The following CD68 variants were observed in gnomAD, a reference collection of about 807,000 sequenced individuals.
CD68 encodes the protein CD68 molecule.
Under a neutral mutation model 31.3 loss-of-function variants are expected in CD68, and 24 were observed. The ratio of observed to expected loss-of-function variants is 0.77; its 90% confidence interval spans 0.55 to 1.08. The LOEUF (loss-of-function observed/expected upper bound fraction) is 1.08. Among genes scored for constraint, CD68 ranks in the 50% least tolerant of loss-of-function variants. CD68 has a pLI of 0.00. For missense variants in CD68, 461 were observed against 442.5 expected (o/e 1.04, Z -0.38); for synonymous variants, 190 against 179.6 (o/e 1.06, Z -0.46).
rs2071467497 is a variant in CD68 at position 7,580,343 on chromosome 17, G to C, written c.567+16G>C. The stretch of plus-strand genomic sequence containing the variant: ...TGGAGGAGAGGTAAAGCTAAAACTG[G>C]GGGATGAGAGGGGAGGGAGGCAGGA... On this transcript the variant is annotated intron_variant, in intron 2 of 5. Transcript: ENST00000250092. The surrounding 1 kb of genome is among the most constrained non-coding windows in gnomAD (Gnocchi z 4.3). 6.2e-7 allele frequency: 1 copy of C among 1,607,866 alleles called. No individual in the cohort carries two copies. The highest frequency in any genetic ancestry group is 8.5e-7 in the Non-Finnish European group (1 of 1,175,706).
chr17:7,581,263 T>C, intron 5 of CD68, 115 bp from the exon 6 acceptor site: 1 of 1,321,798 alleles, frequency 7.6e-7, no homozygotes, highest in Non-Finnish European at 1.1e-6. Context: ...GCTGAGTCAC[T>C]GCGGTGAGCT....
chr17:7,581,172 G>A (rs922101979), intron 5 of CD68, 106 bp downstream of exon 5: 17 of 1,201,130 alleles, frequency 1.4e-5, no homozygotes, highest in African/African-American at 4.5e-5. Flanking sequence ...CCCAAATCTC[G>A]CTCTCCCAGC....
Position 7,580,980 on chromosome 17 carries a change from T to C in CD68, c.845T>C (p.Ile282Thr). 1 of 1,613,972 alleles carries C rather than the reference T, an allele frequency of 6.2e-7. No homozygotes were observed. Among genetic ancestry groups the C allele is most frequent in the Non-Finnish European group, 8.5e-7 (1 of 1,179,940 alleles). ...GQSFSCSNSS[I>T]ILSPAVHLDL... ...AGCTTCAGTTGCAGCAACTCGAGCATCATTCTTTCACCAGCTGTCCACCTC... is the reference window on the plus strand; with the variant it reads ...AGCTTCAGTTGCAGCAACTCGAGCACCATTCTTTCACCAGCTGTCCACCTC... The change falls in exon 5 of 6, where the codon ATC becomes ACC. Residue 282 changes from isoleucine (I) to threonine (T), a missense_variant. Coordinates refer to ENST00000250092, the MANE Select transcript of CD68 (RefSeq NM_001251.3). This position sits in a 1 kb window ranked among gnomAD's most constrained non-coding sequence, Gnocchi z 4.3.
Position 7,579,728 on chromosome 17 carries a change from TAAG to T in CD68, c.49+3_49+5del, listed in dbSNP as rs2071457530. 3 of 1,596,708 alleles carry T rather than the reference TAAG, an allele frequency of 1.9e-6. No homozygotes were observed. In the East Asian group the frequency reaches 6.8e-5, roughly 36 times the overall value. ...GGGCCCTGCTGGGGCTACTGGCAGG[TAAG>T]GAGGAAGGAGGCTGAGGGGAGGGGG... On this transcript the variant is annotated splice_donor_5th_base_variant and intron_variant, in intron 1 of 5. Transcript: ENST00000250092.
intron 5 of CD68, 39 bp from the exon 6 acceptor site, chr17:7,581,339 C>T (rs751224184): frequency 2.4e-5 from 38 of 1,613,352 alleles, no homozygotes; most frequent in East Asian, 1.1e-4. Context: ...CCAACCAGCA[C>T]GTCACTGCAA....
chr17:7,581,858 G>C lies in CD68; in HGVS notation c.*347G>C, dbSNP rs955188596. The stretch of plus-strand genomic sequence containing the variant: ...CAGAACTGCTTGAACCCAGGAGGTG[G>C]AGGTTGCAGTGAGCCGTCATCGCGC... On this transcript the variant is annotated 3_prime_UTR_variant, in exon 6 of 6. Transcript: ENST00000250092. 5.5e-5 allele frequency: 15 copies of C among 272,528 alleles called. No homozygotes were observed. The highest frequency in any genetic ancestry group is 2.4e-4 in the African/African-American group (11 of 46,008). The allele number at this position is 272,528 out of a possible 1,614,324, so 16.9% of individuals were successfully genotyped here. A position where few individuals can be genotyped will look rare whatever the true frequency, so the allele number is the denominator to read the frequency against.
In CD68 at chr17:7,581,651, A is replaced by G; in HGVS notation, c.*140A>G. ...AAGAACAAAAAGAAAGCCGGGCATG[A>G]CGGCTCATGCCTGTAATCCCAGCAC... On this transcript the variant is annotated 3_prime_UTR_variant, in exon 6 of 6. Transcript: ENST00000250092. The G allele has an allele frequency of 4.3e-6, 4 of 920,010 alleles. No individual in the cohort carries two copies. In the Admixed American group the frequency reaches 9.5e-5, roughly 22 times the overall value. 57.0% of individuals were successfully genotyped at this position (920,010 alleles called of 1,614,324 possible).
In CD68 at chr17:7,580,488, AC is replaced by A; in HGVS notation, c.594del (p.Asn199ThrfsTer40). 1 of 1,613,880 alleles carries A rather than the reference AC, an allele frequency of 6.2e-7. No homozygotes were observed. The highest frequency in any genetic ancestry group is 8.5e-7 in the Non-Finnish European group (1 of 1,179,964). ...CAGGCCTGGGGCATCTCTGTACTGAACCCCAACAAAACCAAGGTCCAGGGAA... is the reference window on the plus strand; with the variant it reads ...CAGGCCTGGGGCATCTCTGTACTGAACCCAACAAAACCAAGGTCCAGGGAA... The part of the protein sequence containing the change: ...GGEAWGISVL[N>X]PNKTKVQGSC... On this transcript the variant is annotated frameshift_variant, in exon 3 of 6. Transcript: ENST00000250092. LOFTEE classifies it high-confidence loss of function. The surrounding 1 kb of genome is among the most constrained non-coding windows in gnomAD (Gnocchi z 4.3).
rs890955432 is a variant in CD68, at chr17:7,581,317, C to T, written c.932-61C>T. Reference sequence around the variant, plus strand: ...CCCCAGCATCCCCCCATTCCCTCCTCCCACCTTTATCCCAACCAGCACGTC... The same window carrying T: ...CCCCAGCATCCCCCCATTCCCTCCTTCCACCTTTATCCCAACCAGCACGTC... On this transcript the variant is annotated intron_variant, in intron 5 of 5. Coordinates refer to ENST00000250092, the MANE Select transcript of CD68 (RefSeq NM_001251.3). The T allele has an allele frequency of 5.0e-6, 8 of 1,605,674 alleles. No homozygotes were observed. The African/African-American group carries it at 5.4e-5, about 11-fold the overall frequency.
At position 7,581,416 on chromosome 17, in the gene CD68, C is replaced by T. The variant is rs761553819; in HGVS notation, c.970C>T (p.Leu324Phe). ...CPSDRSILLP[L>F]IIGLILLGLL... is the part of the protein sequence containing the mutation. ...CAGTGACCGGTCCATCTTGCTGCCT[C>T]TCATCATCGGCCTGATCCTTCTTGG... The change falls in exon 6 of 6, where the codon CTC becomes TTC. Residue 324 changes from leucine to phenylalanine, a missense_variant. Physicochemically the swap from Leu to Phe is conservative, Grantham distance 22 (BLOSUM62 0). Coordinates refer to ENST00000250092, the MANE Select transcript of CD68 (RefSeq NM_001251.3). The T allele has an allele frequency of 8.7e-6, 14 of 1,614,080 alleles. No individual in the cohort carries two copies. Among genetic ancestry groups the T allele is most frequent in the Non-Finnish European group, 1.1e-5 (13 of 1,180,036 alleles).
In CD68 at chr17:7,581,138, G is replaced by A. The variant is rs1167813036; in HGVS notation, c.931+72G>A. 3.6e-6 allele frequency: 5 copies of A among 1,379,626 alleles called. No homozygotes were observed. In the African/African-American group the frequency reaches 5.7e-5, roughly 16 times the overall value. 85.5% of individuals were successfully genotyped at this position (1,379,626 alleles called of 1,614,324 possible). On this transcript the variant is annotated intron_variant, in intron 5 of 5. Coordinates refer to ENST00000250092, the MANE Select transcript of CD68 (RefSeq NM_001251.3). ...GAAAACCCCTTCCCCAGGCCCATAA[G>A]CCACTCATCTCTCTTCTTAACCCCC...
Position 7,581,793 on chromosome 17 carries a change from C to T in CD68, c.*282C>T, listed in dbSNP as rs2071488720. On this transcript the variant is annotated 3_prime_UTR_variant, in exon 6 of 6. Transcript: ENST00000250092. ...AATTAGCCAGGTGTGGCGGCGTAAT[C>T]CCAGCTGGCCTGTAATCCCAGCTAC... 1 of 357,294 alleles carries T rather than the reference C, an allele frequency of 2.8e-6. No individual in the cohort carries two copies. The highest frequency in any genetic ancestry group is 2.1e-5 in the African/African-American group (1 of 47,806). The allele number at this position is 357,294 out of a possible 1,614,324, so 22.1% of individuals were successfully genotyped here. A position where few individuals can be genotyped will look rare whatever the true frequency, so the allele number is the denominator to read the frequency against.
chr17:7,582,107 T>A lies in CD68; in HGVS notation c.*596T>A, dbSNP rs1313911509. On this transcript the variant is annotated 3_prime_UTR_variant, in exon 6 of 6. Transcript: ENST00000250092. ...CCAGGATTAAAAGCCATGAGTTTCT[T>A]GTCACATGCCTTTCTATGCCTTCCA... The A allele has an allele frequency of 1.4e-6, 1 of 690,226 alleles. No homozygotes were observed. The highest frequency in any genetic ancestry group is 1.8e-6 in the Non-Finnish European group (1 of 564,448). 42.8% of individuals were successfully genotyped at this position (690,226 alleles called of 1,614,324 possible).
intron 5 of CD68, 140 bp from the exon 6 acceptor site, chr17:7,581,238 C>T (rs2150930564): frequency 8.3e-7 from 1 of 1,207,704 alleles, no homozygotes; most frequent in Non-Finnish European, 1.2e-6. Flanking sequence ...CTGCCAGTTT[C>T]CCCCTTTTAT....
In CD68 at chr17:7,580,178, C is replaced by T. The variant is rs2071465211; in HGVS notation, c.418C>T (p.Pro140Ser). The T allele has an allele frequency of 3.1e-6, 5 of 1,614,040 alleles. No homozygotes were observed. In the African/African-American group the frequency reaches 4.0e-5, roughly 13 times the overall value. ...TSPGFTSSAH[P>S]EPPPPSPSPS... ...CCCAGGATTCACCAGTTCTGCCCAC[C>T]CAGAACCACCTCCACCCTCTCCGAG... is the stretch of plus-strand genomic sequence containing the variant. The change falls in exon 2 of 6, where the codon CCA becomes TCA. Residue 140 changes from proline to serine, a missense_variant. Transcript: ENST00000250092. This position sits in a 1 kb window ranked among gnomAD's most constrained non-coding sequence, Gnocchi z 4.3.
chr17:7,580,418 C>A lies in CD68; in HGVS notation c.568-48C>A, dbSNP rs766274226. The A allele has an allele frequency of 6.2e-7, 1 of 1,611,352 alleles. No individual in the cohort carries two copies. The highest frequency in any genetic ancestry group is 2.2e-5 in the East Asian group (1 of 44,798). The stretch of plus-strand genomic sequence containing the variant: ...AGGAAGAGGGGACAGGGAACCTTGG[C>A]CGGCATCGCATGCAGTCTTGTGACC... On this transcript the variant is annotated intron_variant, in intron 2 of 5. Coordinates refer to ENST00000250092, the MANE Select transcript of CD68 (RefSeq NM_001251.3). The surrounding 1 kb of genome is among the most constrained non-coding windows in gnomAD (Gnocchi z 4.3).
rs1430942784 is a variant in CD68 at position 7,580,130 on chromosome 17, ACAAGCAACAG to A, written c.373_382del (p.Ser125LeufsTer69). On this transcript the variant is annotated frameshift_variant, in exon 2 of 6. Transcript: ENST00000250092. LOFTEE classifies it high-confidence loss of function. The surrounding 1 kb of genome is among the most constrained non-coding windows in gnomAD (Gnocchi z 4.3). ...TCATGGAAATGCCACGGTTCATCCAACAAGCAACAGCACTGCCACCAGCCCAGGATTCACC... is the reference window on the plus strand; with the variant it reads ...TCATGGAAATGCCACGGTTCATCCAACACTGCCACCAGCCCAGGATTCACC... 1.2e-6 allele frequency: 2 copies of A among 1,614,092 alleles called. No homozygotes were observed. Among genetic ancestry groups the A allele is most frequent in the Non-Finnish European group, 1.7e-6 (2 of 1,180,004 alleles).
chr17:7,582,078 C>T lies in CD68; in HGVS notation c.*567C>T, dbSNP rs2071497998. 1 of 368,186 alleles carries T rather than the reference C, an allele frequency of 2.7e-6. No individual in the cohort carries two copies. The highest frequency in any genetic ancestry group is 3.5e-6 in the Non-Finnish European group (1 of 285,810). The allele number at this position is 368,186 out of a possible 1,614,324, so 22.8% of individuals were successfully genotyped here. A position where few individuals can be genotyped will look rare whatever the true frequency, so the allele number is the denominator to read the frequency against. ...AAATCTTTGACGGGGTTTTCCTTGT[C>T]CTGCCAGGATTAAAAGCCATGAGTT... On this transcript the variant is annotated 3_prime_UTR_variant, in exon 6 of 6. Transcript: ENST00000250092.
rs1226749775 is a variant in CD68 at position 7,580,611 on chromosome 17, CCTCA to C, written c.687+31_687+34del. ...GTATAGCCATGACCTCAGTCTCACC[CCTCA>C]CTCAGCCTCCCGGCGCCCCTCCCCT... On this transcript the variant is annotated intron_variant, in intron 3 of 5. Coordinates refer to ENST00000250092, the MANE Select transcript of CD68 (RefSeq NM_001251.3). This position sits in a 1 kb window ranked among gnomAD's most constrained non-coding sequence, Gnocchi z 4.3. 6.2e-7 allele frequency: 1 copy of C among 1,613,790 alleles called. No homozygotes were observed. The highest frequency in any genetic ancestry group is 8.5e-7 in the Non-Finnish European group (1 of 1,179,824).
Sources: allele counts gnomAD v4.1 joint callset, GRCh38; gene constraint gnomAD v4.1.1; non-coding constraint Gnocchi (gnomAD v3.1); transcripts MANE v1.5; gene names NCBI Gene and HGNC (gene_info 2026-07-23, HGNC 2026-07-21).